The following EYS variants were observed in gnomAD, a reference collection of about 807,000 sequenced individuals.
The protein encoded by EYS is protein eyes shut homolog.
A neutral mutation model predicts 282.1 loss-of-function variants in EYS; 250 were observed. The ratio of observed to expected loss-of-function variants is 0.89; its 90% CI spans 0.80 to 0.98. The LOEUF is 0.98. Ranked by LOEUF, EYS falls within the 50% of genes least tolerant of loss-of-function variation. The pLI is 0.00. For missense variants in EYS, 4,016 were observed against 3,709.0 expected, an observed-to-expected ratio of 1.08 and a Z score of -2.15; for synonymous variants, 1,355 against 1,282.9, an observed-to-expected ratio of 1.06 and a Z score of -1.20.
At chr6:65,097,171 A>G (rs1234638033) in intron 12 of EYS, among the ~76,000 whole-genome samples, 1 of 151,176 alleles carries the variant, frequency 6.6e-6, no homozygotes, top group Non-Finnish European at 1.5e-5. Flanking sequence ...AATCTGATTT[A>G]TAAATTGGCA....
At position 64,582,100 on chromosome 6, in the gene EYS, G is replaced by T. The variant is rs536684112; in HGVS notation, c.5644+8123C>A. 2.0e-5 allele frequency among the ~76,000 whole-genome samples: 3 copies of T among 152,274 alleles called. No homozygotes were observed. In the East Asian group the frequency reaches 5.8e-4, roughly 29 times the overall value. On this transcript the variant is annotated intron_variant, in intron 26 of 42. Coordinates refer to ENST00000503581, the MANE Select transcript of EYS (RefSeq NM_001142800.2). ...AGTAAGTATTCTGGGCTTGCTATGTGTGACACAACCTCTGTCACAACTATT... is the reference window on the plus strand; with the variant it reads ...AGTAAGTATTCTGGGCTTGCTATGTTTGACACAACCTCTGTCACAACTATT...
chr6:65,359,245 A>T (rs961688226), intron 8 of EYS, among the ~76,000 whole-genome samples: 2 of 152,090 alleles, frequency 1.3e-5, no homozygotes, highest in Non-Finnish European at 2.9e-5. Context: ...CACATCAGAA[A>T]TAAGCAAATT....
chr6:64,933,064 C>A (rs1209290224), intron 15 of EYS, among the ~76,000 whole-genome samples: 2 of 151,880 alleles, frequency 1.3e-5, no homozygotes, highest in African/African-American at 4.8e-5. Flanking sequence ...TAGAAACTGC[C>A]TTTGAGGACA....
intron 8 of EYS, among the ~76,000 whole-genome samples, chr6:65,383,816 C>T (rs958439517): frequency 6.6e-5 from 10 of 151,644 alleles, no homozygotes; most frequent in African/African-American, 2.4e-4. Context: ...GAGACTACAC[C>T]ATGATGAATT....
chr6:64,515,194 C>G (rs1299616326), intron 26 of EYS, among the ~76,000 whole-genome samples: 1 of 151,438 alleles, frequency 6.6e-6, no homozygotes, highest in African/African-American at 2.4e-5. Flanking sequence ...ATAATATAGG[C>G]AAAATACACT....
chr6:64,142,827 A>G (rs896560878), intron 31 of EYS, among the ~76,000 whole-genome samples: 2 of 152,214 alleles, frequency 1.3e-5, no homozygotes, highest in African/African-American at 4.8e-5. Context: ...AATCTCAGAC[A>G]TGTTCAGGAG....
rs374296536 is a variant in EYS, at chr6:64,587,607, G to T, written c.5644+2616C>A. The stretch of plus-strand genomic sequence containing the variant: ...AATGCCATTTAGTGTTAGATGTTAG[G>T]TGTACAAGAGTGAACAACACAGAAA... On this transcript the variant is annotated intron_variant, in intron 26 of 42. Coordinates refer to ENST00000503581, the MANE Select transcript of EYS (RefSeq NM_001142800.2). Among the ~76,000 whole-genome samples the T allele has an allele frequency of 7.2e-5, 11 of 152,060 alleles. 2 individuals carry two copies. Among genetic ancestry groups the T allele is most frequent in the African/African-American group, 2.4e-4 (10 of 41,518 alleles).
chr6:64,474,211 A>C (rs1331050420), intron 26 of EYS, among the ~76,000 whole-genome samples: 1 of 152,108 alleles, frequency 6.6e-6, no homozygotes, highest in Non-Finnish European at 1.5e-5. Context: ...ATTTTTGTTC[A>C]TTATCAGACA....
At chr6:65,197,099 G>A (rs1765786212) in intron 12 of EYS, among the ~76,000 whole-genome samples, 1 of 152,104 alleles carries the variant, frequency 6.6e-6, no homozygotes, top group Non-Finnish European at 1.5e-5. Context: ...AGTAGATGCA[G>A]TTGTAGGCAC....
chr6:64,239,437 A>T (rs1032208006), intron 30 of EYS, among the ~76,000 whole-genome samples: 35 of 152,154 alleles, frequency 2.3e-4, no homozygotes, highest in African/African-American at 8.2e-4. Context: ...CTTTTTAAAG[A>T]TTGCCATTCT....
chr6:64,433,161 T>TA (rs1774626266), intron 28 of EYS, among the ~76,000 whole-genome samples: 1 of 152,038 alleles, frequency 6.6e-6, no homozygotes. Flanking sequence ...ATCATGGGCC[T>TA]AGCACAATTT....
chr6:64,801,963 T>C (rs1051812681), intron 22 of EYS, among the ~76,000 whole-genome samples: 10 of 151,530 alleles, frequency 6.6e-5, no homozygotes, highest in African/African-American at 2.4e-4. Flanking sequence ...CTGTAGACCA[T>C]GCTATTTAAT....
intron 12 of EYS, among the ~76,000 whole-genome samples, chr6:65,220,380 A>C (rs1023889629): frequency 1.3e-5 from 2 of 152,132 alleles, no homozygotes; most frequent in African/African-American, 4.8e-5. Flanking sequence ...GTGGGTGGTA[A>C]TTGAAACATG....
intron 13 of EYS, among the ~76,000 whole-genome samples, chr6:65,054,978 T>TG (rs1464930184): frequency 4.7e-5 from 6 of 127,914 alleles, no homozygotes; most frequent in African/African-American, 1.9e-4. Context: ...CTTTTGTTAC[T>TG]GTTTTTTATT....
chr6:64,976,718 G>T (rs765097289), intron 14 of EYS, among the ~76,000 whole-genome samples: 4 of 151,840 alleles, frequency 2.6e-5, no homozygotes, highest in Non-Finnish European at 4.4e-5. Flanking sequence ...TTATCAAGTA[G>T]TGTTTATTAT....
chr6:64,597,351 A>T (rs751055655), intron 24 of EYS, among the ~76,000 whole-genome samples: 7 of 152,222 alleles, frequency 4.6e-5, no homozygotes, highest in Non-Finnish European at 1.0e-4. Flanking sequence ...TCAATTCAGC[A>T]GTCCCACTAC....
At chr6:65,450,577 G>A (rs1764362903) in intron 5 of EYS, among the ~76,000 whole-genome samples, 2 of 152,140 alleles carry the variant, frequency 1.3e-5, no homozygotes, top group South Asian at 4.1e-4. Flanking sequence ...TGTTTTGCTT[G>A]AAGTGGAAGT....
chr6:65,358,233 T>A (rs149056283), intron 8 of EYS, among the ~76,000 whole-genome samples: 2 of 151,974 alleles, frequency 1.3e-5, no homozygotes, highest in Non-Finnish European at 2.9e-5. Flanking sequence ...AATTCATAGA[T>A]TAGGTGACAA....
intron 28 of EYS, among the ~76,000 whole-genome samples, chr6:64,413,750 T>C (rs1244063796): frequency 6.6e-6 from 1 of 152,138 alleles, no homozygotes; most frequent in Non-Finnish European, 1.5e-5. Flanking sequence ...GAGTGAAAGA[T>C]AAAAGAAAAA....
Sources: gnomAD v4.1 joint callset for allele counts (sites outside exome capture counted in the v4.1 genomes callset) on GRCh38, gnomAD v4.1.1 for gene constraint, MANE v1.5 for transcripts, NCBI Gene and HGNC (gene_info 2026-07-23, HGNC 2026-07-21) for gene names.